The following DPP6 variants were observed in gnomAD, a reference collection of about 807,000 sequenced individuals.
DPP6 encodes the protein dipeptidyl peptidase like 6, also known as A-type potassium channel modulatory protein DPP6.
A neutral mutation model predicts 122.6 loss-of-function variants in DPP6; 69 were observed. The observed-to-expected ratio is 0.56, with a 90% CI of 0.46 to 0.69. DPP6 has a LOEUF of 0.69. Among genes scored for constraint, DPP6 ranks in the 30% least tolerant of loss-of-function variants. The pLI, the probability that DPP6 is intolerant of heterozygous loss-of-function variation, is 0.00. For synonymous variants in DPP6, 418 were observed against 433.1 expected, an observed-to-expected ratio of 0.97 and a Z score of 0.43; for missense variants, 928 against 1,116.9, an observed-to-expected ratio of 0.83 and a Z score of 2.41.
intron 25 of DPP6, 152 bp downstream of exon 25, chr7:154,889,682 C>A: frequency 8.3e-7 from 1 of 1,205,210 alleles, no homozygotes. Context: ...GTTGGAAAAT[C>A]AGCACATGCT....
the DPP6 span, among the ~76,000 whole-genome samples, chr7:153,789,524 A>G: frequency 6.6e-6 from 1 of 152,356 alleles, no homozygotes; most frequent in East Asian, 1.9e-4. Flanking sequence ...AAATAAGACA[A>G]TCAGAAGCTA....
chr7:154,192,502 A>G (rs1363796469), intron 1 of DPP6, among the ~76,000 whole-genome samples: 1 of 152,252 alleles, frequency 6.6e-6, no homozygotes, highest in African/African-American at 2.4e-5. Flanking sequence ...CTGAACTTAA[A>G]GCCAGGCATA....
intron 1 of DPP6, among the ~76,000 whole-genome samples, chr7:154,106,383 T>C (rs1806162049): frequency 8.5e-6 from 1 of 117,376 alleles, no homozygotes; most frequent in Admixed American, 9.7e-5. Flanking sequence ...TAGAATGTGA[T>C]GGTAGACATG....
At chr7:154,314,531 C>T (rs1005619319) in intron 1 of DPP6, among the ~76,000 whole-genome samples, 5 of 152,198 alleles carry the variant, frequency 3.3e-5, no homozygotes, top group Non-Finnish European at 5.9e-5. Context: ...AAGGGCACGT[C>T]TTTTCCAAGA....
At position 154,238,223 on chromosome 7, in the gene DPP6, CT is replaced by C. The variant is rs374485077; in HGVS notation, c.243+185161del. 2.0e-3 allele frequency among the ~76,000 whole-genome samples: 311 copies of C among 152,272 alleles called. 4 individuals carry two copies. The highest frequency in any genetic ancestry group is 7.0e-3 in the African/African-American group (289 of 41,552). ...ATTATAAATAACATTTTCATTTGCT[CT>C]GTTATCATGCTCAGGCAGTGTTTGA... On this transcript the variant is annotated intron_variant, in intron 1 of 25. Coordinates refer to ENST00000377770, the MANE Select transcript of DPP6 (RefSeq NM_130797.4).
chr7:154,477,267 C>G (rs1822829393), intron 3 of DPP6, among the ~76,000 whole-genome samples: 2 of 134,382 alleles, frequency 1.5e-5, no homozygotes, highest in African/African-American at 3.0e-5. Flanking sequence ...CCACCACCAC[C>G]AGCAGCACCA....
At chr7:153,895,755 C>CAT (rs905310961) in intron 1 of DPP6, among the ~76,000 whole-genome samples, 4 of 151,040 alleles carry the variant, frequency 2.6e-5, no homozygotes, top group African/African-American at 9.9e-5. Context: ...CACACACACA[C>CAT]ACACACACAA....
intron 2 of DPP6, among the ~76,000 whole-genome samples, chr7:154,467,140 A>G (rs1437482504): frequency 6.6e-6 from 1 of 152,206 alleles, no homozygotes; most frequent in East Asian, 1.9e-4. Flanking sequence ...TTAGGTTTAT[A>G]GGCTTGGGAA....
At chr7:154,305,567 G>A (rs1345251037) in intron 1 of DPP6, 1 of 1,591,778 alleles carries the variant, frequency 6.3e-7, no homozygotes, top group Non-Finnish European at 8.5e-7. Flanking sequence ...GCTGCTTTTG[G>A]GGGTCCGTGT....
chr7:154,091,120 C>CA (rs71850251), intron 1 of DPP6, among the ~76,000 whole-genome samples: 9,642 of 123,026 alleles, frequency 0.078, 508 homozygotes, highest in African/African-American at 0.16. Context: ...GACTCCTTCT[C>CA]AAAAAAAAAA....
chr7:153,971,749 T>C (rs947486988), intron 1 of DPP6, among the ~76,000 whole-genome samples: 6 of 143,700 alleles, frequency 4.2e-5, no homozygotes, highest in African/African-American at 1.6e-4. Context: ...AAAGGTCCCA[T>C]AGGACTGTGC....
At position 154,807,124 on chromosome 7, in the gene DPP6, CCA is replaced by C. The variant is rs1798747657; in HGVS notation, c.1666+14_1666+15del. The C allele has an allele frequency of 6.2e-7, 1 of 1,611,038 alleles. No homozygotes were observed. Among genetic ancestry groups the C allele is most frequent in the Non-Finnish European group, 8.5e-7 (1 of 1,179,370 alleles). Reference sequence around the variant, plus strand: ...GCTCAAGTGCGAAGGTCAGCTCCTGCCACCCCGTCAGGGCAAAGAGCCCTGGC... The same window carrying C: ...GCTCAAGTGCGAAGGTCAGCTCCTGCCCCCGTCAGGGCAAAGAGCCCTGGC... On this transcript the variant is annotated intron_variant, in intron 16 of 25. Coordinates refer to ENST00000377770, the MANE Select transcript of DPP6 (RefSeq NM_130797.4).
intron 6 of DPP6, among the ~76,000 whole-genome samples, chr7:154,662,153 CATATT>C (rs1837739512): frequency 2.0e-5 from 3 of 149,870 alleles, no homozygotes; most frequent in Non-Finnish European, 4.4e-5. Flanking sequence ...ATCACCATGG[CATATT>C]GGCCGTAGTG....
chr7:154,348,250 G>T (rs549575778), intron 1 of DPP6, among the ~76,000 whole-genome samples: 1 of 152,332 alleles, frequency 6.6e-6, no homozygotes, highest in Non-Finnish European at 1.5e-5. Context: ...AAAGTCATAC[G>T]ATTCTATTCT....
chr7:153,849,642 T>C, the DPP6 span, among the ~76,000 whole-genome samples: 2 of 152,224 alleles, frequency 1.3e-5, no homozygotes, highest in Non-Finnish European at 1.5e-5. Flanking sequence ...TACTGGCTTT[T>C]GTTCCATGTG....
intron 1 of DPP6, among the ~76,000 whole-genome samples, chr7:154,226,657 C>G (rs1563339210): frequency 6.6e-6 from 1 of 152,182 alleles, no homozygotes; most frequent in Non-Finnish European, 1.5e-5. Context: ...AGGATCGACT[C>G]TACATGGGCA....
intron 1 of DPP6, among the ~76,000 whole-genome samples, chr7:154,206,262 C>T (rs1472234221): frequency 2.0e-5 from 3 of 152,210 alleles, no homozygotes; most frequent in African/African-American, 4.8e-5. Flanking sequence ...AAGATCTTTG[C>T]CGGTCCTCGG....
At chr7:154,589,908 C>A (rs973643500) in intron 5 of DPP6, among the ~76,000 whole-genome samples, 2 of 152,196 alleles carry the variant, frequency 1.3e-5, no homozygotes, top group African/African-American at 2.4e-5. Flanking sequence ...CGGAAGTAAT[C>A]GATTGAGTAA....
At chr7:154,748,364 T>C (rs1410523559) in intron 8 of DPP6, among the ~76,000 whole-genome samples, 2 of 152,170 alleles carry the variant, frequency 1.3e-5, no homozygotes, top group Non-Finnish European at 1.5e-5. Flanking sequence ...AGAGCTCAGA[T>C]CGGGGGTCTC....
Sources: allele counts gnomAD v4.1 joint callset (sites outside exome capture counted in the v4.1 genomes callset), GRCh38; gene constraint gnomAD v4.1.1; transcripts MANE v1.5; gene names NCBI Gene and HGNC (gene_info 2026-07-23, HGNC 2026-07-21).